Variants in RERE observed in about 807,000 individuals in gnomAD.
The protein encoded by RERE is arginine-glutamic acid dipeptide repeats, also known as arginine-glutamic acid dipeptide repeats protein.
RERE carries 40 observed loss-of-function variants against 146.1 expected under a neutral mutation model. The ratio of observed to expected loss-of-function variants is 0.27; its 90% confidence interval spans 0.21 to 0.36. RERE has a LOEUF of 0.36. Ranked by LOEUF, RERE falls within the 10% of genes least tolerant of loss-of-function variation. The probability of loss-of-function intolerance (pLI) is 1.00; values close to 1 mark genes in which losing one functional copy is unlikely to be tolerated. For missense variants in RERE, 1,933 were observed against 2,138.7 expected (o/e 0.90, Z 1.90); for synonymous variants, 1,003 against 866.0 (o/e 1.16, Z -2.78).
At chr1:8,569,549 A>G (rs961976410) in intron 4 of RERE, among the ~76,000 whole-genome samples, 1 of 152,230 alleles carries the variant, frequency 6.6e-6, no homozygotes, top group African/African-American at 2.4e-5. Flanking sequence ...GATTAAAGAT[A>G]CATGGCAGAG....
chr1:8,360,289 G>A lies in RERE; in HGVS notation c.3218C>T (p.Ala1073Val), dbSNP rs751316589. The A allele has an allele frequency of 3.0e-5, 46 of 1,557,334 alleles. No homozygotes were observed. The highest frequency in any genetic ancestry group is 1.8e-4 in the South Asian group (15 of 84,710). The change falls in exon 18 of 23, where the codon GCG (alanine) becomes GTG (valine). Residue 1073 changes from alanine to valine, a missense_variant. By Grantham distance (64) the Ala-to-Val change is moderately conservative (BLOSUM62 0). This residue lies in a region of RERE where 1,255 missense variants were observed against 1,153.8 expected (regional missense o/e 1.09). Coordinates refer to ENST00000400908, the MANE Select transcript of RERE (RefSeq NM_001042681.2). ...GTSAQPPCSG[A>V]AASGGSIAGG... ...CGCTATGCTGCCTCCTGAAGCCGCC[G>A]CACCAGAGCAGGGTGGCTGGGCCGA...
intron 2 of RERE, among the ~76,000 whole-genome samples, chr1:8,643,159 A>T (rs1466027278): frequency 1.3e-5 from 2 of 152,178 alleles, no homozygotes; most frequent in African/African-American, 2.4e-5. Context: ...GGGCTCAAAC[A>T]ATTTCTGGAT....
At chr1:8,483,392 T>C (rs963403597) in intron 10 of RERE, among the ~76,000 whole-genome samples, 28 of 152,212 alleles carry the variant, frequency 1.8e-4, no homozygotes, top group Non-Finnish European at 2.8e-4. Context: ...TCATAAGCAC[T>C]GCAAAGCTAA....
chr1:8,750,450 A>G, intron 1 of RERE: 1 of 902,214 alleles, frequency 1.1e-6, no homozygotes, highest in Non-Finnish European at 1.8e-6. Flanking sequence ...GTTGAAGAGA[A>G]GAAGGTGGTT....
intron 6 of RERE, 130 bp from the exon 7 acceptor site, chr1:8,541,448 CTT>C: frequency 1.7e-6 from 1 of 584,708 alleles, no homozygotes; most frequent in Non-Finnish European, 3.0e-6. Context: ...AAACACCACA[CTT>C]TATTTCACCT....
chr1:8,747,356 A>G (rs2124511504), intron 1 of RERE, among the ~76,000 whole-genome samples: 1 of 152,210 alleles, frequency 6.6e-6, no homozygotes, highest in South Asian at 2.1e-4. Context: ...AACAAATGGC[A>G]TGGGGGTGGG....
chr1:8,725,818 A>G (rs984078722), intron 1 of RERE, among the ~76,000 whole-genome samples: 1 of 152,218 alleles, frequency 6.6e-6, no homozygotes, highest in Non-Finnish European at 1.5e-5. Context: ...AATTAGAAGA[A>G]AAAGTGATAG....
chr1:8,616,186 AG>A (rs1646850741), intron 3 of RERE, among the ~76,000 whole-genome samples: 2 of 152,376 alleles, frequency 1.3e-5, no homozygotes, highest in Admixed American at 1.3e-4. Flanking sequence ...ATTCAAATTA[AG>A]GGTTTTAAAT....
chr1:8,583,885 T>C (rs1646396885), intron 4 of RERE, among the ~76,000 whole-genome samples: 1 of 151,756 alleles, frequency 6.6e-6, no homozygotes, highest in South Asian at 2.1e-4. Context: ...CAAAGTACAT[T>C]ATACAAACCT....
At chr1:8,415,255 C>G (rs1643728796) in intron 12 of RERE, among the ~76,000 whole-genome samples, 1 of 152,202 alleles carries the variant, frequency 6.6e-6, no homozygotes. Context: ...AAGACCAATT[C>G]AAACCTTCCA....
At chr1:8,587,962 A>G (rs1037127285) in intron 4 of RERE, among the ~76,000 whole-genome samples, 1 of 152,086 alleles carries the variant, frequency 6.6e-6, no homozygotes, top group African/African-American at 2.4e-5. Flanking sequence ...CATTAGTGTT[A>G]CTCGCTTTGA....
intron 1 of RERE, among the ~76,000 whole-genome samples, chr1:8,682,418 T>A (rs1638991599): frequency 6.6e-6 from 1 of 152,202 alleles, no homozygotes; most frequent in South Asian, 2.1e-4. Context: ...ATGAAAATAT[T>A]ATGTGGCTTG....
rs1242475043 is a variant in RERE, at chr1:8,423,392, C to T, written c.1204-585G>A. 1.4e-5 allele frequency: 4 copies of T among 284,110 alleles called. No homozygotes were observed. Among genetic ancestry groups the T allele is most frequent in the Non-Finnish European group, 2.1e-5 (4 of 188,458 alleles). 17.6% of individuals were successfully genotyped at this position (284,110 alleles called of 1,614,324 possible). ...GTCATTAAAAGCCACTCCGAGACAC[C>T]AGAGAATAACCAGCACCCCTTCCGC... On this transcript the variant is annotated intron_variant, in intron 11 of 22. Coordinates refer to ENST00000400908, the MANE Select transcript of RERE (RefSeq NM_001042681.2). This position sits in a 1 kb window ranked among gnomAD's most constrained non-coding sequence, Gnocchi z 5.4.
intron 1 of RERE, among the ~76,000 whole-genome samples, chr1:8,658,729 C>A (rs1212232328): frequency 3.3e-5 from 5 of 151,244 alleles, no homozygotes; most frequent in Non-Finnish European, 5.9e-5. Context: ...TGCACTCCAG[C>A]CTGGGCAACG....
chr1:8,810,996 A>G (rs1641796280), intron 1 of RERE, among the ~76,000 whole-genome samples: 2 of 152,242 alleles, frequency 1.3e-5, no homozygotes, highest in South Asian at 2.1e-4. Flanking sequence ...AAAAAGGATC[A>G]TAACTGACTA....
At chr1:8,410,498 A>T (rs1643583772) in intron 12 of RERE, among the ~76,000 whole-genome samples, 1 of 152,278 alleles carries the variant, frequency 6.6e-6, no homozygotes, top group East Asian at 1.9e-4. Flanking sequence ...AGTGATACAG[A>T]TTTCAGCTTA....
intron 11 of RERE, among the ~76,000 whole-genome samples, chr1:8,457,978 G>T (rs1433660039): frequency 6.6e-6 from 1 of 152,082 alleles, no homozygotes; most frequent in Non-Finnish European, 1.5e-5. Flanking sequence ...TCCTCTCATG[G>T]TAGGGTTCTC....
chr1:8,638,636 A>C (rs1020499160), intron 2 of RERE, among the ~76,000 whole-genome samples: 1 of 152,150 alleles, frequency 6.6e-6, no homozygotes, highest in Admixed American at 6.5e-5. Context: ...CACTAAGAAA[A>C]CTGACCATAC....
At chr1:8,461,507 A>C (rs890708629) in intron 11 of RERE, among the ~76,000 whole-genome samples, 5 of 152,172 alleles carry the variant, frequency 3.3e-5, no homozygotes, top group African/African-American at 1.2e-4. Context: ...GCTCACAGAC[A>C]CTCGGCAAAA....
Sources: allele counts gnomAD v4.1 joint callset (sites outside exome capture counted in the v4.1 genomes callset), GRCh38; gene constraint gnomAD v4.1.1; regional missense constraint gnomAD v4.1.1; non-coding constraint Gnocchi (gnomAD v3.1); transcripts MANE v1.5; gene names NCBI Gene and HGNC (gene_info 2026-07-23, HGNC 2026-07-21).